Variants in SLC4A10 observed in about 807,000 individuals in gnomAD.
SLC4A10 encodes the protein sodium-driven chloride bicarbonate exchanger.
Under a neutral mutation model 137.7 loss-of-function variants are expected in SLC4A10, and 42 were observed. That is an observed-to-expected ratio of 0.30 (90% confidence interval 0.24 to 0.39). The LOEUF (loss-of-function observed/expected upper bound fraction) is 0.39. Among genes scored for constraint, SLC4A10 ranks in the 10% least tolerant of loss-of-function variants. The pLI is 1.00. For synonymous variants in SLC4A10, 474 were observed against 464.1 expected, an observed-to-expected ratio of 1.02 and a Z score of -0.27; for missense variants, 925 against 1,355.0, an observed-to-expected ratio of 0.68 and a Z score of 4.98.
chr2:161,666,770 G>A (rs992714398), intron 1 of SLC4A10, among the ~76,000 whole-genome samples: 4 of 151,622 alleles, frequency 2.6e-5, no homozygotes, highest in African/African-American at 9.7e-5. Flanking sequence ...CTATTGAAAT[G>A]TATGTTCTAG....
chr2:161,910,343 T>A (rs1685534988), intron 15 of SLC4A10, among the ~76,000 whole-genome samples: 1 of 152,158 alleles, frequency 6.6e-6, no homozygotes. Flanking sequence ...CAAGATCATC[T>A]ATTTAGTTTT....
chr2:161,849,318 C>G (rs2059688347), intron 4 of SLC4A10, among the ~76,000 whole-genome samples: 1 of 151,936 alleles, frequency 6.6e-6, no homozygotes, highest in Non-Finnish European at 1.5e-5. Flanking sequence ...TTATGGTTTT[C>G]CTAGGTATAG....
intron 1 of SLC4A10, among the ~76,000 whole-genome samples, chr2:161,704,141 T>C (rs1010176917): frequency 2.5e-4 from 33 of 129,970 alleles, no homozygotes; most frequent in African/African-American, 8.0e-4. Flanking sequence ...AGATCATATC[T>C]AACTAACAAT....
intron 1 of SLC4A10, among the ~76,000 whole-genome samples, chr2:161,750,248 A>G (rs2048827708): frequency 6.6e-6 from 1 of 150,424 alleles, no homozygotes. Context: ...CTATTGATAT[A>G]TTGTTTGTCT....
intron 15 of SLC4A10, among the ~76,000 whole-genome samples, chr2:161,940,803 T>TCAAC (rs1271395485): frequency 6.6e-6 from 1 of 152,086 alleles, no homozygotes; most frequent in Non-Finnish European, 1.5e-5. Flanking sequence ...AGAACAAACC[T>TCAAC]CAAGCACTGA....
At chr2:161,736,099 TA>T in intron 1 of SLC4A10, among the ~76,000 whole-genome samples, 1 of 152,234 alleles carries the variant, frequency 6.6e-6, no homozygotes, top group East Asian at 1.9e-4. Context: ...TTATAGTTTT[TA>T]TAAAGAATTT....
At chr2:161,628,477 T>C (rs950327488) in intron 1 of SLC4A10, among the ~76,000 whole-genome samples, 1 of 152,086 alleles carries the variant, frequency 6.6e-6, no homozygotes, top group African/African-American at 2.4e-5. Context: ...TATTGAATTG[T>C]TTTATTTGTG....
rs2059386117 is a variant in SLC4A10, at chr2:161,844,642, G to T, written c.416+4715G>T. Among the ~76,000 whole-genome samples, 3 of 152,116 alleles carry T rather than the reference G, an allele frequency of 2.0e-5. No individual in the cohort carries two copies. In the South Asian group the frequency reaches 6.2e-4, roughly 31 times the overall value. On this transcript the variant is annotated intron_variant, in intron 4 of 26. Transcript: ENST00000446997. ...ATCTTAGAAAAGTTAAACTGAGTTA[G>T]TGAGAATAGAACACCCAGAAAGAGT... is the stretch of plus-strand genomic sequence containing the variant.
intron 3 of SLC4A10, among the ~76,000 whole-genome samples, chr2:161,819,757 G>A (rs2057455295): frequency 6.6e-6 from 1 of 152,110 alleles, no homozygotes; most frequent in South Asian, 2.1e-4. Context: ...GCCTCCCAAA[G>A]TGCTGGGATT....
chr2:161,879,323 T>TA (rs1278676662), intron 9 of SLC4A10, 35 bp downstream of exon 9: 1 of 1,540,714 alleles, frequency 6.5e-7, no homozygotes, highest in African/African-American at 1.4e-5. Flanking sequence ...GTATTTTTCT[T>TA]AAACCATCTT....
intron 2 of SLC4A10, among the ~76,000 whole-genome samples, chr2:161,792,229 G>GA (rs950800880): frequency 4.6e-5 from 7 of 151,916 alleles, no homozygotes; most frequent in Admixed American, 3.3e-4. Context: ...CTATTTCAGA[G>GA]AAAAAATGGA....
At chr2:161,637,905 T>A (rs2034693224) in intron 1 of SLC4A10, among the ~76,000 whole-genome samples, 1 of 152,194 alleles carries the variant, frequency 6.6e-6, no homozygotes, top group Non-Finnish European at 1.5e-5. Context: ...GAATGTCTTA[T>A]TTTGATGAAT....
intron 10 of SLC4A10, among the ~76,000 whole-genome samples, chr2:161,883,211 G>A (rs1242968587): frequency 6.6e-6 from 1 of 152,086 alleles, no homozygotes; most frequent in Non-Finnish European, 1.5e-5. Flanking sequence ...AAATTCAGTT[G>A]TAAATGAACA....
At chr2:161,741,036 G>A (rs144957986) in intron 1 of SLC4A10, among the ~76,000 whole-genome samples, 28 of 152,064 alleles carry the variant, frequency 1.8e-4, no homozygotes, top group African/African-American at 6.5e-4. Context: ...TCCTTGGCAG[G>A]CCAATGCAGG....
At chr2:161,700,401 A>G (rs1455116762) in intron 1 of SLC4A10, among the ~76,000 whole-genome samples, 4 of 152,152 alleles carry the variant, frequency 2.6e-5, no homozygotes, top group Non-Finnish European at 5.9e-5. Flanking sequence ...AATGTTGAAA[A>G]TAATGAGAAT....
intron 3 of SLC4A10, among the ~76,000 whole-genome samples, chr2:161,812,412 G>A (rs143156046): frequency 6.6e-6 from 1 of 151,976 alleles, no homozygotes; most frequent in African/African-American, 2.4e-5. Context: ...GTGCAGGTTT[G>A]TTACATGAGT....
At chr2:161,968,237 C>T (rs1369858435) in intron 23 of SLC4A10, among the ~76,000 whole-genome samples, 1 of 152,128 alleles carries the variant, frequency 6.6e-6, no homozygotes, top group African/African-American at 2.4e-5. Flanking sequence ...TTCCCACTGC[C>T]CAGAACCACT....
chr2:161,897,728 G>A (rs2063666473), intron 11 of SLC4A10, among the ~76,000 whole-genome samples: 1 of 152,028 alleles, frequency 6.6e-6, no homozygotes, highest in Admixed American at 6.6e-5. Flanking sequence ...AGGGTTTATA[G>A]ATTGTCTCAT....
At chr2:161,663,989 A>G (rs1373293324) in intron 1 of SLC4A10, among the ~76,000 whole-genome samples, 1 of 152,022 alleles carries the variant, frequency 6.6e-6, no homozygotes, top group African/African-American at 2.4e-5. Flanking sequence ...GCAAAGAAAC[A>G]TGATGCTGGG....
Sources: gnomAD v4.1 joint callset for allele counts (sites outside exome capture counted in the v4.1 genomes callset) on GRCh38, gnomAD v4.1.1 for gene constraint, MANE v1.5 for transcripts, NCBI Gene and HGNC (gene_info 2026-07-23, HGNC 2026-07-21) for gene names.